TAB1: variants seen among roughly 807,000 people sequenced by gnomAD.
TAB1 encodes TGF-beta-activated kinase 1 and MAP3K7-binding protein 1.
In TAB1, 30 loss-of-function variants were observed where a neutral mutation model predicts 54.5. The observed-to-expected ratio is 0.55, with a 90% confidence interval of 0.41 to 0.75. TAB1 has a LOEUF of 0.75. Among genes scored for constraint, TAB1 ranks in the 30% least tolerant of loss-of-function variants. TAB1 has a pLI of 0.00. For missense variants in TAB1, 609 were observed against 683.2 expected, an observed-to-expected ratio of 0.89 and a Z score of 1.21; for synonymous variants, 289 against 286.9, an observed-to-expected ratio of 1.01 and a Z score of -0.07.
chr22:39,426,308 G>A (rs536305167), intron 8 of TAB1, among the ~76,000 whole-genome samples: 28 of 152,222 alleles, frequency 1.8e-4, no homozygotes, highest in Non-Finnish European at 4.0e-4. Context: ...ATCCTAGCAT[G>A]TATAACATCG....
intron 1 of TAB1, among the ~76,000 whole-genome samples, chr22:39,401,917 GGCT>G (rs1400886392): frequency 6.6e-6 from 1 of 152,148 alleles, no homozygotes; most frequent in Non-Finnish European, 1.5e-5. Flanking sequence ...TGGCTGTGAG[GGCT>G]GCTGGTCTGT....
chr22:39,417,995 C>A, intron 5 of TAB1, 146 bp downstream of exon 5: 1 of 1,043,686 alleles, frequency 9.6e-7, no homozygotes, highest in Non-Finnish European at 1.3e-6. Context: ...TCCCTCTCCA[C>A]AGTGACGCCT....
At chr22:39,436,836 A>C, downstream of TAB1, 1 of 467,014 alleles carries the variant, frequency 2.1e-6, no homozygotes, top group Non-Finnish European at 3.9e-6. Flanking sequence ...TGGTGAGCTC[A>C]GGGCTCTTGG....
intron 8 of TAB1, among the ~76,000 whole-genome samples, chr22:39,423,320 A>G (rs1006553187): frequency 6.6e-6 from 1 of 152,110 alleles, no homozygotes; most frequent in African/African-American, 2.4e-5. Flanking sequence ...AAAATCATGT[A>G]TTGGCCGGGC....
At chr22:39,412,457 TAC>T (rs1007852180) in intron 1 of TAB1, among the ~76,000 whole-genome samples, 6 of 151,954 alleles carry the variant, frequency 3.9e-5, no homozygotes, top group African/African-American at 1.5e-4. Flanking sequence ...TGGTGGTAGT[TAC>T]ACACATCTCT....
chr22:39,400,330 C>T (rs1226415414), intron 1 of TAB1, among the ~76,000 whole-genome samples: 1 of 152,172 alleles, frequency 6.6e-6, no homozygotes, highest in Non-Finnish European at 1.5e-5. Context: ...GGTCGTTTGC[C>T]TAAGGCCACA....
chr22:39,425,425 A>G (rs560207529), intron 8 of TAB1, among the ~76,000 whole-genome samples: 6 of 152,250 alleles, frequency 3.9e-5, no homozygotes, highest in Admixed American at 3.3e-4. Context: ...TTCTTATATA[A>G]TAATGAAAAT....
intron 1 of TAB1, among the ~76,000 whole-genome samples, chr22:39,407,075 A>ATGAT (rs1926398929): frequency 6.6e-6 from 1 of 152,248 alleles, no homozygotes; most frequent in African/African-American, 2.4e-5. Context: ...GGATGAATGC[A>ATGAT]TTAAGATGTA....
At chr22:39,433,081 G>A (rs35927585), downstream of TAB1, 16,654 of 985,378 alleles carry the variant, frequency 0.017, 155 homozygotes, top group Middle Eastern at 0.045. Context: ...CATAGCCTCC[G>A]TGGGGAAAGC....
downstream of TAB1, among the ~76,000 whole-genome samples, chr22:39,435,356 C>G (rs1209880766): frequency 6.6e-6 from 1 of 152,108 alleles, no homozygotes; most frequent in Non-Finnish European, 1.5e-5. Flanking sequence ...CCCAGCAGGT[C>G]CCCGGCTGCC....
intron 1 of TAB1, among the ~76,000 whole-genome samples, chr22:39,405,663 C>G (rs938995178): frequency 2.6e-5 from 4 of 152,234 alleles, no homozygotes; most frequent in African/African-American, 7.2e-5. Flanking sequence ...CATGACCTTT[C>G]TGAAAATTGT....
downstream of TAB1, chr22:39,436,371 A>C (rs951041361): frequency 2.6e-6 from 2 of 761,134 alleles, no homozygotes; most frequent in Non-Finnish European, 4.6e-6. Flanking sequence ...TTAACCTGGC[A>C]AAGAGTTGGT....
chr22:39,403,940 G>A (rs763797429), intron 1 of TAB1, among the ~76,000 whole-genome samples: 39 of 152,026 alleles, frequency 2.6e-4, no homozygotes, highest in Non-Finnish European at 5.4e-4. Context: ...CACCGTGCCC[G>A]GCCGAAAAAT....
Position 39,426,858 on chromosome 22 carries a change from C to A in TAB1, c.1077C>A (p.Thr359=). 6.2e-7 allele frequency: 1 copy of A among 1,613,512 alleles called. No homozygotes were observed. Among genetic ancestry groups the A allele is most frequent in the African/African-American group, 1.3e-5 (1 of 75,068 alleles). ...ARFCPRHEDM[T]LLVRNFGYPL... is the part of the protein sequence containing the mutation. ...TCTGCCCCCGGCACGAGGACATGAC[C>A]CTGCTAGTGAGGAACTTTGGCTACC... The change falls in exon 9 of 11, where the codon ACC becomes ACA. Residue 359 remains threonine (T), a synonymous_variant. Coordinates refer to ENST00000216160, the MANE Select transcript of TAB1 (RefSeq NM_006116.3).
rs557989897 is a variant in TAB1, at chr22:39,415,308, C to T, written c.170+166C>T. 1.2e-3 allele frequency among the ~76,000 whole-genome samples: 177 copies of T among 152,246 alleles called. No individual in the cohort carries two copies. Among genetic ancestry groups the T allele is most frequent in the African/African-American group, 4.1e-3 (170 of 41,526 alleles). On this transcript the variant is annotated intron_variant, in intron 2 of 10. Transcript: ENST00000216160. This position sits in a 1 kb window ranked among gnomAD's most constrained non-coding sequence, Gnocchi z 4.9. ...CCAAGGGCCTGCTCTGATGGGGTAG[C>T]GTGAGCATGGGGAGGAGGGTATCCC...
In TAB1 at chr22:39,419,228, G is replaced by A. The variant is rs1601693285; in HGVS notation, c.665-291G>A. 3.3e-5 allele frequency among the ~76,000 whole-genome samples: 5 copies of A among 152,336 alleles called. No individual in the cohort carries two copies. The East Asian group carries it at 5.8e-4, about 18-fold the overall frequency. On this transcript the variant is annotated intron_variant, in intron 6 of 10. Coordinates refer to ENST00000216160, the MANE Select transcript of TAB1 (RefSeq NM_006116.3). ...GAGCTGCTCCTTCCCTTCCCAGTGA[G>A]CTCCAGGCAGATGTGGGGCACACGG...
rs1157901128 is a variant in TAB1, at chr22:39,418,843, T to TGGGTGAGTG, written c.664+2_664+10dup. 1 of 1,612,526 alleles carries TGGGTGAGTG rather than the reference T, an allele frequency of 6.2e-7. No individual in the cohort carries two copies. The highest frequency in any genetic ancestry group is 1.3e-5 in the African/African-American group (1 of 74,912). On this transcript the variant is annotated inframe_insertion and splice_region_variant, in exon 6 of 11. Coordinates refer to ENST00000216160, the MANE Select transcript of TAB1 (RefSeq NM_006116.3). ...GATGAGCTCTTCCGTCTTTCGCAGC[T>TGGGTGAGTG]GGGTGAGTGGGGAGAGTGGGAGCGG...
chr22:39,436,410 T>C, downstream of TAB1: 1 of 1,211,668 alleles, frequency 8.3e-7, no homozygotes, highest in Non-Finnish European at 1.2e-6. Flanking sequence ...GTTTAGAAAG[T>C]TGCCCAAGAT....
At chr22:39,407,179 T>C (rs990954805) in intron 1 of TAB1, among the ~76,000 whole-genome samples, 4 of 152,228 alleles carry the variant, frequency 2.6e-5, no homozygotes, top group Non-Finnish European at 4.4e-5. Context: ...AAAAGGACTT[T>C]GTTATTTTAC....
Sources: allele counts gnomAD v4.1 joint callset (sites outside exome capture counted in the v4.1 genomes callset), GRCh38; gene constraint gnomAD v4.1.1; non-coding constraint Gnocchi (gnomAD v3.1); transcripts MANE v1.5; gene names NCBI Gene and HGNC (gene_info 2026-07-23, HGNC 2026-07-21).